Variants in SUPV3L1 observed in about 807,000 individuals in gnomAD.
The protein encoded by SUPV3L1 is ATP-dependent RNA helicase SUPV3L1, mitochondrial.
In SUPV3L1, 35 loss-of-function variants were observed where a neutral mutation model predicts 70.0. The observed-to-expected ratio is 0.50, with a 90% CI of 0.38 to 0.66. The LOEUF (loss-of-function observed/expected upper bound fraction) is 0.66. SUPV3L1 is among the 30% of genes least tolerant of loss of function. SUPV3L1 has a pLI of 0.00. For missense variants in SUPV3L1, 777 were observed against 961.5 expected, an observed-to-expected ratio of 0.81 and a Z score of 2.54; for synonymous variants, 364 against 341.9, an observed-to-expected ratio of 1.06 and a Z score of -0.71.
chr10:69,187,547 C>G (rs1309194766), intron 3 of SUPV3L1, 95 bp from the exon 4 acceptor site: 14 of 812,442 alleles, frequency 1.7e-5, no homozygotes, highest in Non-Finnish European at 2.7e-5. Flanking sequence ...TGGCAGTGCC[C>G]CCGCAACTTA....
intron 13 of SUPV3L1, among the ~76,000 whole-genome samples, chr10:69,206,110 A>G (rs1392928066): frequency 6.6e-6 from 1 of 152,002 alleles, no homozygotes; most frequent in Non-Finnish European, 1.5e-5. Context: ...GGCTTCCACT[A>G]GTTGTTTGTG....
chr10:69,197,078 G>A lies in SUPV3L1; in HGVS notation c.1018G>A (p.Val340Met). The A allele has an allele frequency of 6.2e-7, 1 of 1,614,044 alleles. No homozygotes were observed. Among genetic ancestry groups the A allele is most frequent in the South Asian group, 1.1e-5 (1 of 91,084 alleles). Residue 340 changes from valine (V) to methionine (M), a missense_variant, in exon 8 of 15, where the codon GTG (valine) becomes ATG (methionine). Coordinates refer to ENST00000359655, the MANE Select transcript of SUPV3L1 (RefSeq NM_003171.5). ...GCTTATGTACACAACGGGGGAGGAA[G>A]TGGAGGTATTCGATTAGATGCTTTG... The part of the protein sequence containing the change: ...MELMYTTGEE[V>M]EVRDYKRLTP...
rs114784899 is a variant in SUPV3L1 at position 69,205,534 on chromosome 10, G to A, written c.1777-2259G>A. 7.2e-3 allele frequency among the ~76,000 whole-genome samples: 1,098 copies of A among 151,756 alleles called. 11 individuals carry two copies. The highest frequency in any genetic ancestry group is 0.024 in the African/African-American group (1,012 of 41,358). On this transcript the variant is annotated intron_variant, in intron 13 of 14. Transcript: ENST00000359655. ...GGACTACAGGTGTGCGCCATGATGC[G>A]TGGTGTGTTTTCTTTTTGAGATGAA... is the stretch of plus-strand genomic sequence containing the variant.
intron 7 of SUPV3L1, 112 bp from the exon 8 acceptor site, chr10:69,196,879 TG>T (rs1842556368): frequency 2.5e-6 from 2 of 807,036 alleles, no homozygotes; most frequent in African/African-American, 3.5e-5. Flanking sequence ...TGAAAATACT[TG>T]GTAAGGTTGT....
chr10:69,185,273 G>C (rs12262207), intron 1 of SUPV3L1, among the ~76,000 whole-genome samples: 6,420 of 152,172 alleles, frequency 0.042, 477 homozygotes, highest in African/African-American at 0.15. Context: ...TAACATCAGC[G>C]TGGCTTCCTT....
intron 1 of SUPV3L1, among the ~76,000 whole-genome samples, chr10:69,181,577 A>G (rs183974269): frequency 5.9e-5 from 9 of 152,302 alleles, no homozygotes; most frequent in Admixed American, 1.3e-4. Context: ...TTATAACATA[A>G]TACCTGAGAC....
At chr10:69,188,326 C>T (rs1023911353) in intron 4 of SUPV3L1, among the ~76,000 whole-genome samples, 1 of 152,108 alleles carries the variant, frequency 6.6e-6, no homozygotes, top group Non-Finnish European at 1.5e-5. Context: ...CTCTGCTGCT[C>T]GCTTCAGTGG....
At chr10:69,190,168 A>G (rs1842355296) in intron 5 of SUPV3L1, among the ~76,000 whole-genome samples, 1 of 152,126 alleles carries the variant, frequency 6.6e-6, no homozygotes, top group Admixed American at 6.6e-5. Flanking sequence ...TATTGTTGCT[A>G]CTCTCAAAAC....
intron 4 of SUPV3L1, 59 bp from the exon 5 acceptor site, chr10:69,189,208 C>G: frequency 6.5e-7 from 1 of 1,530,998 alleles, no homozygotes; most frequent in Non-Finnish European, 8.8e-7. Flanking sequence ...CATTTGCTGT[C>G]TTTGCCAGGA....
In SUPV3L1 at chr10:69,209,007, G is replaced by GA. The variant is rs1429460294; in HGVS notation, c.2336dup (p.Lys780GlufsTer5). On this transcript the variant is annotated frameshift_variant, in exon 15 of 15. Coordinates refer to ENST00000359655, the MANE Select transcript of SUPV3L1 (RefSeq NM_003171.5). LOFTEE classifies it high-confidence loss of function. The stretch of plus-strand genomic sequence containing the variant: ...GGGACTCATCCAAAAGGGACGAGAA[G>GA]AAAGAAGAAGGAACCTGATTCGGAC... 7.7e-6 allele frequency: 12 copies of GA among 1,563,022 alleles called. No individual in the cohort carries two copies. The highest frequency in any genetic ancestry group is 8.6e-6 in the Non-Finnish European group (10 of 1,156,682).
At chr10:69,184,357 T>C (rs1842154464) in intron 1 of SUPV3L1, among the ~76,000 whole-genome samples, 1 of 151,962 alleles carries the variant, frequency 6.6e-6, no homozygotes, top group Non-Finnish European at 1.5e-5. Flanking sequence ...GGAGAAACCC[T>C]GTCTCTACTA....
Position 69,187,733 on chromosome 10 carries a change from T to C in SUPV3L1, c.549T>C (p.Ser183=). Reference sequence around the variant, plus strand: ...GTAAGGATGATCTACGTAAAATCAGTGACTTAAGAATACCACCTAACTGGT... The same window carrying C: ...GTAAGGATGATCTACGTAAAATCAGCGACTTAAGAATACCACCTAACTGGT... ...LDCKDDLRKI[S]DLRIPPNWYP... is the part of the protein sequence containing the mutation. The change falls in exon 4 of 15, where the codon AGT becomes AGC. Residue 183 remains serine (S), a synonymous_variant. Coordinates refer to ENST00000359655, the MANE Select transcript of SUPV3L1 (RefSeq NM_003171.5). 6.2e-7 allele frequency: 1 copy of C among 1,610,884 alleles called. No homozygotes were observed. Among genetic ancestry groups the C allele is most frequent in the South Asian group, 1.1e-5 (1 of 90,094 alleles).
Position 69,202,512 on chromosome 10 carries a change from A to G in SUPV3L1, c.1592A>G (p.Asn531Ser), listed in dbSNP as rs1842711024. ...AYHLPDATLS[N>S]LIDIFVDFSQ... The stretch of plus-strand genomic sequence containing the variant: ...CATCTCCCTGATGCAACACTGTCCA[A>G]TCTCATTGTAAGTGGAAACTCCCTT... Residue 531 changes from asparagine (N) to serine (S), a missense_variant, in exon 12 of 15, where the codon AAT becomes AGT. Asn to Ser is a conservative substitution (Grantham distance 46). Coordinates refer to ENST00000359655, the MANE Select transcript of SUPV3L1 (RefSeq NM_003171.5). The G allele has an allele frequency of 1.2e-6, 2 of 1,611,814 alleles. No individual in the cohort carries two copies. Among genetic ancestry groups the G allele is most frequent in the Admixed American group, 1.7e-5 (1 of 59,892 alleles).
intron 6 of SUPV3L1, 86 bp from the exon 7 acceptor site, chr10:69,195,102 G>A (rs187895733): frequency 1.4e-4 from 146 of 1,035,540 alleles, no homozygotes; most frequent in Non-Finnish European, 1.9e-4. Flanking sequence ...TAGTGGTGAT[G>A]GTGATGCTTG....
intron 8 of SUPV3L1, among the ~76,000 whole-genome samples, chr10:69,197,626 G>A (rs529432935): frequency 1.3e-5 from 2 of 152,068 alleles, no homozygotes; most frequent in Non-Finnish European, 2.9e-5. Context: ...CTGGAGTGCT[G>A]TGGTGCAATC....
At chr10:69,197,998 A>G (rs1320316532) in intron 8 of SUPV3L1, among the ~76,000 whole-genome samples, 3 of 152,220 alleles carry the variant, frequency 2.0e-5, no homozygotes, top group Non-Finnish European at 1.5e-5. Flanking sequence ...CAAGTCACAG[A>G]AGGTTAGACT....
chr10:69,204,577 A>G (rs1302337905), intron 13 of SUPV3L1, among the ~76,000 whole-genome samples: 2 of 152,128 alleles, frequency 1.3e-5, no homozygotes, highest in Admixed American at 6.5e-5. Context: ...TAAATAATAC[A>G]TACATTCTCT....
chr10:69,201,068 G>A (rs186577098), intron 11 of SUPV3L1, among the ~76,000 whole-genome samples: 64 of 152,282 alleles, frequency 4.2e-4, no homozygotes, highest in African/African-American at 1.4e-3. Flanking sequence ...AGATGAAGGG[G>A]AGTATAGACA....
chr10:69,200,761 G>A (rs753334296), intron 11 of SUPV3L1, among the ~76,000 whole-genome samples: 6 of 152,142 alleles, frequency 3.9e-5, no homozygotes, highest in African/African-American at 7.2e-5. Context: ...ACTTCCTTCC[G>A]GAATCTAGCA....
Sources: gnomAD v4.1 joint callset for allele counts (sites outside exome capture counted in the v4.1 genomes callset) on GRCh38, gnomAD v4.1.1 for gene constraint, MANE v1.5 for transcripts, NCBI Gene and HGNC (gene_info 2026-07-23, HGNC 2026-07-21) for gene names.